The following TCERG1L variants were observed in gnomAD, a reference collection of about 807,000 sequenced individuals.
The protein encoded by TCERG1L is transcription elongation regulator 1-like protein.
TCERG1L carries 37 observed loss-of-function variants against 56.3 expected under a neutral mutation model. The observed-to-expected ratio is 0.66, with a 90% CI of 0.51 to 0.87. The LOEUF (loss-of-function observed/expected upper bound fraction) is 0.87. Ranked by LOEUF, TCERG1L falls within the 40% of genes least tolerant of loss-of-function variation. The probability of loss-of-function intolerance (pLI) is 0.00; values close to 1 mark genes in which losing one functional copy is unlikely to be tolerated. For synonymous variants in TCERG1L, 324 were observed against 326.3 expected (o/e 0.99, Z 0.08); for missense variants, 799 against 774.2 (o/e 1.03, Z -0.38).
At chr10:131,116,984 G>A (rs2133390278) in intron 8 of TCERG1L, 50 bp from the exon 9 acceptor site, 1 of 1,562,862 alleles carries the variant, frequency 6.4e-7, no homozygotes, top group Non-Finnish European at 8.7e-7. Flanking sequence ...GGACCCAGCT[G>A]GTTTTTATTG....
At chr10:131,207,631 C>T (rs747252434) in intron 4 of TCERG1L, among the ~76,000 whole-genome samples, 15 of 152,326 alleles carry the variant, frequency 9.8e-5, no homozygotes, top group Admixed American at 2.0e-4. Flanking sequence ...AAGCTTCCCC[C>T]TTGGCCTGGA....
chr10:131,248,116 AC>A (rs1846060076), intron 4 of TCERG1L, among the ~76,000 whole-genome samples: 1 of 151,654 alleles, frequency 6.6e-6, no homozygotes, highest in East Asian at 1.9e-4. Context: ...TGATACACAC[AC>A]TGGTAAATTC....
At chr10:131,300,033 G>A (rs1321516348) in intron 3 of TCERG1L, among the ~76,000 whole-genome samples, 1 of 152,030 alleles carries the variant, frequency 6.6e-6, no homozygotes, top group Non-Finnish European at 1.5e-5. Context: ...TATTATTCCT[G>A]ACTAATAAGC....
chr10:131,093,908 G>A (rs951549075), intron 11 of TCERG1L, among the ~76,000 whole-genome samples: 7 of 152,186 alleles, frequency 4.6e-5, no homozygotes, highest in Admixed American at 2.6e-4. Context: ...TCGAATGAGG[G>A]AGACATTATC....
intron 7 of TCERG1L, 21 bp from the exon 8 acceptor site, chr10:131,134,469 C>T: frequency 1.9e-6 from 3 of 1,574,212 alleles, no homozygotes; most frequent in Non-Finnish European, 2.6e-6. Flanking sequence ...ATCAGATGAA[C>T]AGGGTTAGAG....
chr10:131,115,836 C>A (rs1242387087), intron 9 of TCERG1L, among the ~76,000 whole-genome samples: 1 of 152,192 alleles, frequency 6.6e-6, no homozygotes, highest in African/African-American at 2.4e-5. Flanking sequence ...TCAGCCCTAA[C>A]TAACCCTGTG....
chr10:131,184,815 C>T (rs1845218767), intron 4 of TCERG1L, among the ~76,000 whole-genome samples: 1 of 152,216 alleles, frequency 6.6e-6, no homozygotes, highest in Non-Finnish European at 1.5e-5. Context: ...TTAGCAGGAT[C>T]AACACAGTGT....
intron 4 of TCERG1L, among the ~76,000 whole-genome samples, chr10:131,170,956 G>T (rs1846084569): frequency 2.0e-5 from 3 of 152,136 alleles, no homozygotes; most frequent in African/African-American, 7.2e-5. Context: ...GACCAGCCTG[G>T]CCAAGATGGT....
Position 131,171,823 on chromosome 10 carries a change from G to A in TCERG1L, c.857-4938C>T, listed in dbSNP as rs376376223. On this transcript the variant is annotated intron_variant, in intron 4 of 11. Transcript: ENST00000368642. ...TGACCTCAGGTGATCCTCCTGCCTC[G>A]GCCTCCCAAAGTGCTGGGATTACAG... Among the ~76,000 whole-genome samples the A allele has an allele frequency of 3.0e-4, 45 of 152,198 alleles. No individual in the cohort carries two copies. In the South Asian group the frequency reaches 5.2e-3, roughly 18 times the overall value.
chr10:131,166,215 G>T (rs1296131742), intron 5 of TCERG1L, among the ~76,000 whole-genome samples: 1 of 152,222 alleles, frequency 6.6e-6, no homozygotes, highest in Non-Finnish European at 1.5e-5. Context: ...TGAAGTAAGA[G>T]ATAATGTTGA....
At chr10:131,216,171 C>A (rs1845667100) in intron 4 of TCERG1L, among the ~76,000 whole-genome samples, 1 of 152,238 alleles carries the variant, frequency 6.6e-6, no homozygotes, top group African/African-American at 2.4e-5. Flanking sequence ...AGTTTCTGCT[C>A]ACTCTGCCCT....
intron 4 of TCERG1L, among the ~76,000 whole-genome samples, chr10:131,174,095 C>T (rs1451047744): frequency 6.6e-6 from 1 of 152,178 alleles, no homozygotes; most frequent in African/African-American, 2.4e-5. Context: ...TCCATCCCCA[C>T]ATCTCACCAC....
intron 4 of TCERG1L, among the ~76,000 whole-genome samples, chr10:131,242,057 G>A (rs1000116654): frequency 1.3e-5 from 2 of 152,170 alleles, no homozygotes; most frequent in Non-Finnish European, 1.5e-5. Context: ...AGTTTGAAGG[G>A]CAAGAACAGA....
chr10:131,202,148 C>G (rs761042298), intron 4 of TCERG1L, among the ~76,000 whole-genome samples: 3 of 152,170 alleles, frequency 2.0e-5, no homozygotes, highest in Non-Finnish European at 4.4e-5. Flanking sequence ...TGCACGTGAG[C>G]CTCCCGACCA....
At chr10:131,173,682 G>T (rs1241854914) in intron 4 of TCERG1L, among the ~76,000 whole-genome samples, 3 of 152,250 alleles carry the variant, frequency 2.0e-5, no homozygotes, top group Admixed American at 6.5e-5. Flanking sequence ...GAGAAGCCCA[G>T]GGGCCTGAGG....
At chr10:131,122,141 A>G (rs531777666) in intron 8 of TCERG1L, among the ~76,000 whole-genome samples, 1 of 152,348 alleles carries the variant, frequency 6.6e-6, no homozygotes, top group Non-Finnish European at 1.5e-5. Flanking sequence ...CTATGATATA[A>G]TAAATAATTA....
At chr10:131,185,286 G>A in intron 4 of TCERG1L, among the ~76,000 whole-genome samples, 1 of 152,254 alleles carries the variant, frequency 6.6e-6, no homozygotes, top group South Asian at 2.1e-4. Context: ...AAGAATGTCA[G>A]AAAGATTTTA....
At chr10:131,097,106 A>C (rs1176543010) in intron 11 of TCERG1L, among the ~76,000 whole-genome samples, 25 of 149,818 alleles carry the variant, frequency 1.7e-4, no homozygotes, top group Non-Finnish European at 3.0e-5. Flanking sequence ...AGGTTGAAGC[A>C]GGGAGAATTG....
intron 3 of TCERG1L, among the ~76,000 whole-genome samples, chr10:131,282,311 G>T (rs116333117): frequency 0.083 from 11,262 of 135,632 alleles, 520 homozygotes; most frequent in African/African-American, 0.13. Context: ...CAAAAAAACC[G>T]TGTTATAGGA....
Sources: gnomAD v4.1 joint callset for allele counts (sites outside exome capture counted in the v4.1 genomes callset) on GRCh38, gnomAD v4.1.1 for gene constraint, MANE v1.5 for transcripts, NCBI Gene and HGNC (gene_info 2026-07-23, HGNC 2026-07-21) for gene names.